The following ABCG1 variants were observed in gnomAD, a reference collection of about 807,000 sequenced individuals.
The protein encoded by ABCG1 is ATP-binding cassette sub-family G member 1.
A neutral mutation model predicts 69.2 loss-of-function variants in ABCG1; 29 were observed. The ratio of observed to expected loss-of-function variants is 0.42; its 90% CI spans 0.31 to 0.57. The LOEUF (loss-of-function observed/expected upper bound fraction) is 0.57. Ranked by LOEUF, ABCG1 falls within the 20% of genes least tolerant of loss-of-function variation. The probability of loss-of-function intolerance (pLI) is 0.15; values close to 1 mark genes in which losing one functional copy is unlikely to be tolerated. For missense variants in ABCG1, 718 were observed against 898.1 expected, an observed-to-expected ratio of 0.80 and a Z score of 2.56; for synonymous variants, 370 against 374.8, an observed-to-expected ratio of 0.99 and a Z score of 0.15.
intron 1 of ABCG1, among the ~76,000 whole-genome samples, chr21:42,220,835 T>C (rs2067714240): frequency 6.6e-6 from 1 of 152,270 alleles, no homozygotes; most frequent in Non-Finnish European, 1.5e-5. Flanking sequence ...GTTATTGATG[T>C]TAGTTGCAGG....
intron 3 of ABCG1, among the ~76,000 whole-genome samples, chr21:42,271,410 C>T (rs2068615393): frequency 1.3e-5 from 2 of 152,228 alleles, no homozygotes; most frequent in Non-Finnish European, 2.9e-5. Flanking sequence ...GCCACAGCAG[C>T]ACCCTGGATG....
intron 8 of ABCG1, among the ~76,000 whole-genome samples, chr21:42,286,509 C>T (rs2068942640): frequency 3.3e-5 from 5 of 152,212 alleles, no homozygotes; most frequent in Admixed American, 3.3e-4. Flanking sequence ...CACGGACGTG[C>T]CTCTCACTCA....
chr21:42,240,203 C>T (rs112449318), intron 2 of ABCG1, among the ~76,000 whole-genome samples: 8,880 of 152,254 alleles, frequency 0.058, 334 homozygotes, highest in Middle Eastern at 0.082. Flanking sequence ...AACGGCCACA[C>T]GAGGCACTGC....
Position 42,288,043 on chromosome 21 carries a change from G to C in ABCG1, c.1122+6G>C. ...GGCACCGGCCCTCTGAAGAGGTAAAGCAGACAAAACGATTAAAGGGGTTGA... is the reference window on the plus strand; with the variant it reads ...GGCACCGGCCCTCTGAAGAGGTAAACCAGACAAAACGATTAAAGGGGTTGA... On this transcript the variant is annotated splice_donor_region_variant and intron_variant, in intron 9 of 14. Transcript: ENST00000398449. The surrounding 1 kb of genome is among the most constrained non-coding windows in gnomAD (Gnocchi z 4.8). The C allele has an allele frequency of 6.2e-7, 1 of 1,608,432 alleles. No individual in the cohort carries two copies.
chr21:42,256,265 G>A, intron 2 of ABCG1: 1 of 1,500,134 alleles, frequency 6.7e-7, no homozygotes. Context: ...ACACTTACCT[G>A]CCTGCCCTCC....
chr21:42,242,534 A>C (rs1049560588), intron 2 of ABCG1, among the ~76,000 whole-genome samples: 13 of 152,312 alleles, frequency 8.5e-5, no homozygotes, highest in African/African-American at 3.1e-4. Flanking sequence ...CTCAAACTGC[A>C]CAATGAGAGA....
rs1199695960 is a variant in ABCG1 at position 42,288,215 on chromosome 21, C to T, written c.1127C>T (p.Ser376Phe). ...CCCTCTTGCGTGTGTCCTCAGGACT[C>T]CTCGTCCATGGAAGGCTGCCACAGC... is the stretch of plus-strand genomic sequence containing the variant. The part of the protein sequence containing the change: ...FLWHRPSEED[S>F]SSMEGCHSFS... Residue 376 changes from serine (S) to phenylalanine (F), a missense_variant, in exon 10 of 15, where the codon TCC becomes TTC. Coordinates refer to ENST00000398449, the MANE Select transcript of ABCG1 (RefSeq NM_016818.3). This position sits in a 1 kb window ranked among gnomAD's most constrained non-coding sequence, Gnocchi z 4.8. The T allele has an allele frequency of 1.2e-6, 2 of 1,614,148 alleles. No individual in the cohort carries two copies. The highest frequency in any genetic ancestry group is 1.3e-5 in the African/African-American group (1 of 75,054).
At chr21:42,217,196 A>G (rs1216657820), upstream of ABCG1, among the ~76,000 whole-genome samples, 4 of 152,182 alleles carry the variant, frequency 2.6e-5, no homozygotes, top group African/African-American at 9.7e-5. Flanking sequence ...AAGGTGAATC[A>G]ATCCCGCATA....
Position 42,273,257 on chromosome 21 carries a change from G to C in ABCG1, c.405-46G>C. 6.3e-7 allele frequency: 1 copy of C among 1,581,500 alleles called. No individual in the cohort carries two copies. Among genetic ancestry groups the C allele is most frequent in the South Asian group, 1.1e-5 (1 of 87,284 alleles). On this transcript the variant is annotated intron_variant, in intron 3 of 14. Coordinates refer to ENST00000398449, the MANE Select transcript of ABCG1 (RefSeq NM_016818.3). This position sits in a 1 kb window ranked among gnomAD's most constrained non-coding sequence, Gnocchi z 5.3. ...CTCTCCTGCCCCGGGAGGTGGAGGAGGAGCAGGAGCCCGGCTGACGGCTTC... is the reference window on the plus strand; with the variant it reads ...CTCTCCTGCCCCGGGAGGTGGAGGACGAGCAGGAGCCCGGCTGACGGCTTC...
At chr21:42,259,401 A>G (rs1016683452) in intron 2 of ABCG1, 1 of 1,550,248 alleles carries the variant, frequency 6.5e-7, no homozygotes, top group Non-Finnish European at 8.7e-7. Flanking sequence ...GTCCTGCAAA[A>G]TCGAAAATGT....
chr21:42,296,633 T>TC lies in ABCG1; in HGVS notation c.*241_*242insC. ...TGTAGGCAGATTGGTGGTTTTTTTT[T>TC]TTTTAACATACAGAATTTTAAATAC... is the stretch of plus-strand genomic sequence containing the variant. On this transcript the variant is annotated 3_prime_UTR_variant, in exon 15 of 15. Transcript: ENST00000398449. The surrounding 1 kb of genome is among the most constrained non-coding windows in gnomAD (Gnocchi z 5.4). The TC allele has an allele frequency of 1.9e-6, 1 of 521,762 alleles. No homozygotes were observed. The highest frequency in any genetic ancestry group is 2.3e-5 in the South Asian group (1 of 43,978). The allele number at this position is 521,762 out of a possible 1,614,324, so 32.3% of individuals were successfully genotyped here. A position where few individuals can be genotyped will look rare whatever the true frequency, so the allele number is the denominator to read the frequency against.
intron 2 of ABCG1, among the ~76,000 whole-genome samples, chr21:42,226,196 T>C (rs1279133189): frequency 6.6e-6 from 1 of 152,216 alleles, no homozygotes; most frequent in African/African-American, 2.4e-5. Flanking sequence ...AAAGTGTGCC[T>C]GTTTCTGGCA....
chr21:42,209,378 C>G (rs950427147), intron 2 of ABCG1, among the ~76,000 whole-genome samples: 1 of 152,198 alleles, frequency 6.6e-6, no homozygotes, highest in Non-Finnish European at 1.5e-5. Context: ...CTAAAGCACT[C>G]GAGGTTGTCC....
At position 42,225,915 on chromosome 21, in the gene ABCG1, G is replaced by T. The variant is rs1264526773; in HGVS notation, c.286+1G>T. 1.2e-6 allele frequency: 2 copies of T among 1,610,740 alleles called. No homozygotes were observed. Among genetic ancestry groups the T allele is most frequent in the Non-Finnish European group, 1.7e-6 (2 of 1,178,560 alleles). On this transcript the variant is annotated splice_donor_variant, in intron 2 of 14. Coordinates refer to ENST00000398449, the MANE Select transcript of ABCG1 (RefSeq NM_016818.3). LOFTEE classifies it high-confidence loss of function. ...GAAGGACCCTGGTGGAGGAAGAAAG[G>T]TAGGGAGGGCGGCTGCTTTGTGTAT... is the stretch of plus-strand genomic sequence containing the variant.
chr21:42,220,436 G>A (rs1418023716), intron 1 of ABCG1, among the ~76,000 whole-genome samples: 3 of 151,882 alleles, frequency 2.0e-5, no homozygotes, highest in African/African-American at 7.3e-5. Flanking sequence ...AAAAAAAATA[G>A]CCAGGTTTCT....
chr21:42,292,632 C>A (rs370259096), intron 13 of ABCG1, among the ~76,000 whole-genome samples: 4,843 of 149,266 alleles, frequency 0.032, 86 homozygotes, highest in Middle Eastern at 0.087. Context: ...TACACACATA[C>A]CACACTACAC....
Position 42,291,006 on chromosome 21 carries a change from C to T in ABCG1, c.1394-86C>T. The T allele has an allele frequency of 1.0e-6, 1 of 995,194 alleles. No individual in the cohort carries two copies. The allele number at this position is 995,194 out of a possible 1,614,324, so 61.6% of individuals were successfully genotyped here. A position where few individuals can be genotyped will look rare whatever the true frequency, so the allele number is the denominator to read the frequency against. On this transcript the variant is annotated intron_variant, in intron 11 of 14. Transcript: ENST00000398449. The surrounding 1 kb of genome is among the most constrained non-coding windows in gnomAD (Gnocchi z 6.4). The stretch of plus-strand genomic sequence containing the variant: ...TAGGCCAGAGCTGGGTTACCAGCCG[C>T]TCAGCTCAAGATCGCCTGTTGGGAT...
chr21:42,295,323 TC>T (rs1462991145), intron 14 of ABCG1: 1 of 94,402 alleles, frequency 1.1e-5, no homozygotes, highest in Non-Finnish European at 1.9e-5. Context: ...AGAGTGAGAC[TC>T]CGTCTCAATA....
rs2069070912 is a variant in ABCG1 at position 42,291,956 on chromosome 21, T to C, written c.1653+300T>C. 6.6e-6 allele frequency among the ~76,000 whole-genome samples: 1 copy of C among 152,110 alleles called. No individual in the cohort carries two copies. The highest frequency in any genetic ancestry group is 2.4e-5 in the African/African-American group (1 of 41,406). ...ACGCTTAGGTGCTGTGCTGGCCCCATTTTACATAGGGGAGCACTGAGGCCC... is the reference window on the plus strand; with the variant it reads ...ACGCTTAGGTGCTGTGCTGGCCCCACTTTACATAGGGGAGCACTGAGGCCC... On this transcript the variant is annotated intron_variant, in intron 13 of 14. Coordinates refer to ENST00000398449, the MANE Select transcript of ABCG1 (RefSeq NM_016818.3). The surrounding 1 kb of genome is among the most constrained non-coding windows in gnomAD (Gnocchi z 6.4).
Sources: gnomAD v4.1 joint callset for allele counts (sites outside exome capture counted in the v4.1 genomes callset) on GRCh38, gnomAD v4.1.1 for gene constraint, Gnocchi (gnomAD v3.1) non-coding constraint, MANE v1.5 for transcripts, NCBI Gene and HGNC (gene_info 2026-07-23, HGNC 2026-07-21) for gene names.